The following THRA variants were observed in gnomAD, a reference collection of about 807,000 sequenced individuals.
The protein encoded by THRA is thyroid hormone receptor alpha.
In THRA, 13 loss-of-function variants were observed where a neutral mutation model predicts 45.0. The observed-to-expected ratio is 0.29, with a 90% confidence interval of 0.19 to 0.46. The LOEUF is 0.46. Ranked by LOEUF, THRA falls within the 20% of genes least tolerant of loss-of-function variation. The probability of loss-of-function intolerance (pLI) is 1.00; values close to 1 mark genes in which losing one functional copy is unlikely to be tolerated. For missense variants in THRA, 278 were observed against 556.1 expected, an observed-to-expected ratio of 0.50 and a Z score of 5.03; for synonymous variants, 195 against 214.0, an observed-to-expected ratio of 0.91 and a Z score of 0.78.
intron 5 of THRA, 64 bp from the exon 6 acceptor site, chr17:40,084,546 G>T: frequency 6.4e-7 from 1 of 1,568,906 alleles, no homozygotes; most frequent in Non-Finnish European, 8.7e-7. Context: ...AGTAGTTTCC[G>T]GGAGCATTAT....
At chr17:40,079,924 A>T (rs1036211043) in intron 4 of THRA, among the ~76,000 whole-genome samples, 1 of 152,102 alleles carries the variant, frequency 6.6e-6, no homozygotes, top group Non-Finnish European at 1.5e-5. Flanking sequence ...AAAATTGGCC[A>T]GGTGTAGTGA....
intron 1 of THRA, among the ~76,000 whole-genome samples, chr17:40,069,826 C>A (rs1986709852): frequency 6.6e-6 from 1 of 151,958 alleles, no homozygotes; most frequent in African/African-American, 2.4e-5. Flanking sequence ...CAGACCTGGG[C>A]ACCCACCTTG....
At chr17:40,075,367 C>T (rs1022658457) in intron 2 of THRA, among the ~76,000 whole-genome samples, 1 of 152,156 alleles carries the variant, frequency 6.6e-6, no homozygotes, top group Non-Finnish European at 1.5e-5. Context: ...AGATCCCGAG[C>T]CAGGAAGCCA....
intron 3 of THRA, 55 bp downstream of exon 3, chr17:40,076,993 C>G: frequency 6.4e-7 from 1 of 1,566,148 alleles, no homozygotes. Context: ...CCAAACCCAG[C>G]CAGGGCTCCT....
chr17:40,089,751 G>A lies in THRA; in HGVS notation c.*295G>A. On this transcript the variant is annotated 3_prime_UTR_variant, in exon 9 of 9. Transcript: ENST00000450525. The surrounding 1 kb of genome is among the most constrained non-coding windows in gnomAD (Gnocchi z 6.1). ...CTCAGAAGGTAGGGGAAGGGCGGGA[G>A]GATTGAGAAGGGACAAGCCACCTTG... 1 of 1,257,086 alleles carries A rather than the reference G, an allele frequency of 8.0e-7. No homozygotes were observed. 77.9% of individuals were successfully genotyped at this position (1,257,086 alleles called of 1,614,324 possible). A position where few individuals can be genotyped will look rare whatever the true frequency, so the allele number is the denominator to read the frequency against.
At chr17:40,078,952 G>T (rs1183164851) in intron 4 of THRA, among the ~76,000 whole-genome samples, 2 of 152,018 alleles carry the variant, frequency 1.3e-5, no homozygotes, top group East Asian at 3.9e-4. Context: ...GGATGGTCTT[G>T]ATCTCTTGAC....
intron 4 of THRA, among the ~76,000 whole-genome samples, chr17:40,082,930 T>C (rs1477587741): frequency 6.9e-6 from 1 of 145,378 alleles, no homozygotes; most frequent in Non-Finnish European, 1.5e-5. Context: ...CACGCCCGGG[T>C]AATTTTTTTT....
chr17:40,065,641 C>G (rs1598386332), intron 1 of THRA, among the ~76,000 whole-genome samples: 1 of 152,210 alleles, frequency 6.6e-6, no homozygotes, highest in South Asian at 2.1e-4. Flanking sequence ...CTCTGCCCCC[C>G]CTGCGCAGCC....
intron 2 of THRA, among the ~76,000 whole-genome samples, chr17:40,075,320 C>T (rs1986913656): frequency 6.6e-6 from 1 of 152,016 alleles, no homozygotes; most frequent in Non-Finnish European, 1.5e-5. Context: ...TGGGGGTGCT[C>T]CGGGGAGCAG....
chr17:40,079,250 T>C (rs1305290111), intron 4 of THRA, among the ~76,000 whole-genome samples: 1 of 151,832 alleles, frequency 6.6e-6, no homozygotes, highest in Non-Finnish European at 1.5e-5. Context: ...CTAATTGTTT[T>C]GTTTTGTTTT....
intron 1 of THRA, chr17:40,072,160 C>T (rs1986799252): frequency 6.6e-6 from 1 of 152,496 alleles, no homozygotes; most frequent in Non-Finnish European, 1.5e-5. Context: ...GTTGGCACTG[C>T]TCCAGGTCTG....
chr17:40,088,104 A>G, intron 7 of THRA, 138 bp from the exon 8 acceptor site: 5 of 1,179,184 alleles, frequency 4.2e-6, no homozygotes, highest in Non-Finnish European at 5.8e-6. Context: ...GGGCATGCAC[A>G]TGGCCCAATA....
chr17:40,087,418 A>G (rs537747128), intron 7 of THRA, among the ~76,000 whole-genome samples: 1 of 150,700 alleles, frequency 6.6e-6, no homozygotes, highest in East Asian at 1.9e-4. Flanking sequence ...ACACAGGCAC[A>G]CACACACACA....
Position 40,089,771 on chromosome 17 carries a change from A to G in THRA, c.*315A>G. The G allele has an allele frequency of 8.4e-7, 1 of 1,197,254 alleles. No homozygotes were observed. Among genetic ancestry groups the G allele is most frequent in the East Asian group, 5.0e-5 (1 of 19,960 alleles). The allele number at this position is 1,197,254 out of a possible 1,614,324, so 74.2% of individuals were successfully genotyped here. A position where few individuals can be genotyped will look rare whatever the true frequency, so the allele number is the denominator to read the frequency against. On this transcript the variant is annotated 3_prime_UTR_variant, in exon 9 of 9. Transcript: ENST00000450525. This position sits in a 1 kb window ranked among gnomAD's most constrained non-coding sequence, Gnocchi z 6.1. ...CGGGAGGATTGAGAAGGGACAAGCC[A>G]CCTTGACCGTAGGGGAAGGAGGAAT...
chr17:40,089,332 A>G lies in THRA; in HGVS notation c.1109A>G (p.Lys370Arg). The change falls in exon 9 of 9, where the codon AAG becomes AGG. Residue 370 changes from lysine (K) to arginine (R), a missense_variant. Lys to Arg is a conservative substitution (Grantham distance 26). Transcript: ENST00000450525. The surrounding 1 kb of genome is among the most constrained non-coding windows in gnomAD (Gnocchi z 6.1). ...CACTTCTGGCCCAAGCTGCTGATGAAGGTGACTGACCTCCGCATGATCGGG... is the reference window on the plus strand; with the variant it reads ...CACTTCTGGCCCAAGCTGCTGATGAGGGTGACTGACCTCCGCATGATCGGG... ...IPHFWPKLLMKVTDLRMIGAC... is the reference protein window; with the variant it reads ...IPHFWPKLLMRVTDLRMIGAC... The G allele has an allele frequency of 6.2e-7, 1 of 1,614,178 alleles. No individual in the cohort carries two copies. Among genetic ancestry groups the G allele is most frequent in the Non-Finnish European group, 8.5e-7 (1 of 1,180,044 alleles).
downstream of THRA, chr17:40,093,056 GC>G (rs764656080): frequency 2.5e-6 from 4 of 1,614,038 alleles, no homozygotes; most frequent in African/African-American, 5.3e-5. This position sits in a 1 kb window ranked among gnomAD's most constrained non-coding sequence, Gnocchi z 5.9. Context: ...GTACAAGGGG[GC>G]AGCGGCAGAA....
intron 4 of THRA, among the ~76,000 whole-genome samples, chr17:40,081,856 G>A (rs1174743698): frequency 6.6e-6 from 1 of 151,876 alleles, no homozygotes. Flanking sequence ...CCAGCTACTC[G>A]GGAGGCTGAG....
intron 1 of THRA, among the ~76,000 whole-genome samples, chr17:40,073,710 A>G (rs1197609833): frequency 1.3e-5 from 2 of 152,132 alleles, no homozygotes; most frequent in Non-Finnish European, 2.9e-5. Context: ...CTATTAAGGC[A>G]CAAAGATGGG....
At chr17:40,081,333 C>A (rs1382335212) in intron 4 of THRA, among the ~76,000 whole-genome samples, 1 of 151,850 alleles carries the variant, frequency 6.6e-6, no homozygotes, top group African/African-American at 2.4e-5. Flanking sequence ...TCACTGCAGC[C>A]TTGACCTCCT....
Sources: allele counts gnomAD v4.1 joint callset (sites outside exome capture counted in the v4.1 genomes callset), GRCh38; gene constraint gnomAD v4.1.1; non-coding constraint Gnocchi (gnomAD v3.1); transcripts MANE v1.5; gene names NCBI Gene and HGNC (gene_info 2026-07-23, HGNC 2026-07-21).